Variants in CLEC16A observed in about 807,000 individuals in gnomAD.
CLEC16A encodes the protein protein CLEC16A.
A neutral mutation model predicts 109.5 loss-of-function variants in CLEC16A; 51 were observed. The ratio of observed to expected loss-of-function variants is 0.47; its 90% CI spans 0.37 to 0.59. The LOEUF (loss-of-function observed/expected upper bound fraction) is 0.59. Ranked by LOEUF, CLEC16A falls within the 20% of genes least tolerant of loss-of-function variation. The pLI is 0.00. For synonymous variants in CLEC16A, 673 were observed against 564.2 expected, an observed-to-expected ratio of 1.19 and a Z score of -2.73; for missense variants, 1,339 against 1,394.0, an observed-to-expected ratio of 0.96 and a Z score of 0.63.
chr16:11,032,375 C>A (rs1388338030), intron 13 of CLEC16A, among the ~76,000 whole-genome samples: 1 of 152,140 alleles, frequency 6.6e-6, no homozygotes, highest in Non-Finnish European at 1.5e-5. Flanking sequence ...CCACTCTGCA[C>A]CTCTCAGAAT....
In CLEC16A at chr16:11,018,982, G is replaced by A. The variant is rs114765224; in HGVS notation, c.1304-1211G>A. Among the ~76,000 whole-genome samples, 1,297 of 152,248 alleles carry A rather than the reference G, an allele frequency of 8.5e-3. 21 individuals carry two copies. The highest frequency in any genetic ancestry group is 0.029 in the African/African-American group (1,213 of 41,542). On this transcript the variant is annotated intron_variant, in intron 11 of 23. Transcript: ENST00000409790. ...TTTCATTAAAATCACTTGGGTTTGT[G>A]TGGAGAATACATTAGGGTGGCAGAA...
chr16:11,055,575 CTTTTTTTTTTTTTTTTTTT>C (rs71136609), intron 18 of CLEC16A, among the ~76,000 whole-genome samples: 3 of 41,756 alleles, frequency 7.2e-5, no homozygotes, highest in Non-Finnish European at 8.4e-5. Context: ...TTCCCTCTTG[CTTTTTTTTTTTTTTTTTTT>C]TTTTTTTTTT....
At chr16:11,120,481 A>T in intron 19 of CLEC16A, 134 bp from the exon 20 acceptor site, 1 of 861,262 alleles carries the variant, frequency 1.2e-6, no homozygotes, top group Non-Finnish European at 1.7e-6. Flanking sequence ...ACTCAGACCT[A>T]GGTCTGTGTG....
chr16:11,141,522 G>A (rs1270249732), intron 22 of CLEC16A, among the ~76,000 whole-genome samples: 2 of 152,256 alleles, frequency 1.3e-5, no homozygotes, highest in Admixed American at 6.5e-5. Flanking sequence ...GATCTGGAGG[G>A]GTGCAAGGAG....
chr16:11,055,523 C>T (rs374802895), intron 18 of CLEC16A, among the ~76,000 whole-genome samples: 21 of 140,306 alleles, frequency 1.5e-4, no homozygotes, highest in Non-Finnish European at 2.7e-4. Context: ...ATGGTGGTAG[C>T]GCTTTGCAGG....
At chr16:11,173,602 G>A (rs1280131427) in intron 23 of CLEC16A, among the ~76,000 whole-genome samples, 4 of 152,094 alleles carry the variant, frequency 2.6e-5, no homozygotes, top group East Asian at 1.9e-4. Context: ...CTCAGGACTC[G>A]GAGCTGTGCT....
intron 19 of CLEC16A, among the ~76,000 whole-genome samples, chr16:11,075,061 G>GGCCTGGGCAATCGAGCAAGACCCT (rs2049273918): frequency 6.6e-6 from 1 of 152,058 alleles, no homozygotes; most frequent in Non-Finnish European, 1.5e-5. Context: ...ACTGCACTCC[G>GGCCTGGGCAATCGAGCAAGACCCT]GCCTGGGCAA....
chr16:11,053,046 A>G (rs1477765386), intron 18 of CLEC16A, among the ~76,000 whole-genome samples: 1 of 152,020 alleles, frequency 6.6e-6, no homozygotes, highest in Non-Finnish European at 1.5e-5. Context: ...ACAAGCTACC[A>G]CACCTAGCTA....
At chr16:11,120,317 A>G (rs2052312753) in intron 19 of CLEC16A, among the ~76,000 whole-genome samples, 2 of 152,260 alleles carry the variant, frequency 1.3e-5, no homozygotes. Flanking sequence ...ACATGCAGTA[A>G]ACATTGGACA....
At chr16:11,020,463 C>G in intron 12 of CLEC16A, 138 bp downstream of exon 12, 2 of 1,084,226 alleles carry the variant, frequency 1.8e-6, no homozygotes, top group Non-Finnish European at 2.5e-6. Context: ...CCCTGCTTCT[C>G]CAGCTCTGGC....
At chr16:11,160,636 C>A (rs546944984) in intron 22 of CLEC16A, among the ~76,000 whole-genome samples, 2 of 152,322 alleles carry the variant, frequency 1.3e-5, no homozygotes, top group Admixed American at 1.3e-4. Context: ...TAACTCACAT[C>A]CCCGCATTAA....
intron 11 of CLEC16A, among the ~76,000 whole-genome samples, chr16:11,007,956 A>G (rs1220570176): frequency 6.6e-6 from 1 of 152,106 alleles, no homozygotes; most frequent in Admixed American, 6.5e-5. Context: ...AATTAGGACA[A>G]AGCCTCTGAA....
At chr16:10,994,649 A>G (rs1044443135) in intron 10 of CLEC16A, among the ~76,000 whole-genome samples, 1 of 152,106 alleles carries the variant, frequency 6.6e-6, no homozygotes, top group African/African-American at 2.4e-5. Context: ...GGTTGCAGTG[A>G]GCTAAGATCA....
chr16:11,056,092 T>C (rs2048198795), intron 18 of CLEC16A, among the ~76,000 whole-genome samples: 1 of 152,116 alleles, frequency 6.6e-6, no homozygotes. Flanking sequence ...ACTGGAGCTG[T>C]TGGGGTCCAG....
At chr16:11,010,138 T>C (rs2045312314) in intron 11 of CLEC16A, among the ~76,000 whole-genome samples, 1 of 136,728 alleles carries the variant, frequency 7.3e-6, no homozygotes, top group Non-Finnish European at 1.6e-5. Context: ...GGTGACAGAG[T>C]GAGACCTTGT....
At chr16:11,061,608 C>G (rs1011846247) in intron 19 of CLEC16A, among the ~76,000 whole-genome samples, 12 of 152,220 alleles carry the variant, frequency 7.9e-5, no homozygotes, top group African/African-American at 2.9e-4. Context: ...TGGAACCCCT[C>G]TCGTATTTGT....
At chr16:10,950,351 C>G (rs552109723) in intron 1 of CLEC16A, among the ~76,000 whole-genome samples, 35 of 152,288 alleles carry the variant, frequency 2.3e-4, no homozygotes, top group African/African-American at 7.9e-4. Flanking sequence ...ACAGGATGAA[C>G]GAGAGGCAGA....
intron 19 of CLEC16A, among the ~76,000 whole-genome samples, chr16:11,063,677 T>C (rs2048612382): frequency 6.6e-6 from 1 of 152,166 alleles, no homozygotes; most frequent in Non-Finnish European, 1.5e-5. Flanking sequence ...AAGTGCTTGC[T>C]GACCAGCAGC....
chr16:10,990,896 G>A (rs2043966988), intron 10 of CLEC16A, among the ~76,000 whole-genome samples: 1 of 152,132 alleles, frequency 6.6e-6, no homozygotes, highest in Non-Finnish European at 1.5e-5. Flanking sequence ...TTCATGAGTG[G>A]GCCAGCCTCT....
Sources: allele counts gnomAD v4.1 joint callset (sites outside exome capture counted in the v4.1 genomes callset), GRCh38; gene constraint gnomAD v4.1.1; transcripts MANE v1.5; gene names NCBI Gene and HGNC (gene_info 2026-07-23, HGNC 2026-07-21).